Variants in TPD52L1 observed in about 807,000 individuals in gnomAD.
The protein encoded by TPD52L1 is tumor protein D53.
Under a neutral mutation model 28.7 loss-of-function variants are expected in TPD52L1, and 18 were observed. That is an observed-to-expected ratio of 0.63 (90% CI 0.43 to 0.93). The LOEUF (loss-of-function observed/expected upper bound fraction) is 0.93. TPD52L1 is among the 40% of genes least tolerant of loss of function. The probability of loss-of-function intolerance (pLI) is 0.00; values close to 1 mark genes in which losing one functional copy is unlikely to be tolerated. For synonymous variants in TPD52L1, 75 were observed against 88.8 expected (o/e 0.84, Z 0.88); for missense variants, 203 against 254.8 (o/e 0.80, Z 1.39).
chr6:125,174,019 G>C (rs996566278), intron 1 of TPD52L1, among the ~76,000 whole-genome samples: 1 of 152,160 alleles, frequency 6.6e-6, no homozygotes, highest in Non-Finnish European at 1.5e-5. Context: ...CCTTATTAGC[G>C]ATGTGACCTT....
chr6:125,259,639 T>C (rs553767952), intron 6 of TPD52L1, among the ~76,000 whole-genome samples: 2 of 152,320 alleles, frequency 1.3e-5, no homozygotes, highest in East Asian at 1.9e-4. Flanking sequence ...TTTGCATCCA[T>C]GTCAAGCAGA....
At chr6:125,254,178 G>T (rs2115052126) in intron 5 of TPD52L1, among the ~76,000 whole-genome samples, 1 of 152,300 alleles carries the variant, frequency 6.6e-6, no homozygotes, top group Middle Eastern at 3.4e-3. Context: ...TAAATGCAAG[G>T]CTAAAGTTCT....
At chr6:125,229,736 G>T (rs1044727427) in intron 3 of TPD52L1, among the ~76,000 whole-genome samples, 1 of 152,130 alleles carries the variant, frequency 6.6e-6, no homozygotes, top group Non-Finnish European at 1.5e-5. Flanking sequence ...TTCATCTTTT[G>T]TTTTGCACTT....
At chr6:125,165,610 A>G (rs1230008328) in intron 1 of TPD52L1, among the ~76,000 whole-genome samples, 1 of 152,156 alleles carries the variant, frequency 6.6e-6, no homozygotes, top group Non-Finnish European at 1.5e-5. Flanking sequence ...CTCATCTCCA[A>G]ACTTACCTAT....
intron 6 of TPD52L1, chr6:125,262,095 C>G (rs1238321728): frequency 6.6e-6 from 1 of 152,224 alleles, no homozygotes; most frequent in Non-Finnish European, 1.5e-5. Flanking sequence ...GTAGAAGCAT[C>G]AGATCTTGTG....
chr6:125,206,789 T>A (rs1170766419), intron 1 of TPD52L1, among the ~76,000 whole-genome samples: 1 of 152,158 alleles, frequency 6.6e-6, no homozygotes, highest in Admixed American at 6.5e-5. Flanking sequence ...TTCAGTGTTG[T>A]GTAGATTGGG....
intron 1 of TPD52L1, among the ~76,000 whole-genome samples, chr6:125,175,541 T>G (rs1791772500): frequency 6.6e-6 from 1 of 152,080 alleles, no homozygotes; most frequent in South Asian, 2.1e-4. Context: ...TAAGTTACCC[T>G]TCTTAAGAAA....
chr6:125,159,831 A>G (rs1790393861), intron 1 of TPD52L1, among the ~76,000 whole-genome samples: 1 of 152,178 alleles, frequency 6.6e-6, no homozygotes, highest in South Asian at 2.1e-4. Context: ...TTGGGTGACC[A>G]CGTATGATAT....
At chr6:125,211,239 T>C (rs1794470735) in intron 1 of TPD52L1, among the ~76,000 whole-genome samples, 1 of 150,148 alleles carries the variant, frequency 6.7e-6, no homozygotes, top group Non-Finnish European at 1.5e-5. Flanking sequence ...TACTGCGATT[T>C]CATTTTTAGA....
intron 1 of TPD52L1, chr6:125,214,574 C>T: frequency 2.2e-6 from 1 of 449,438 alleles, no homozygotes; most frequent in Non-Finnish European, 2.9e-6. Context: ...AACATTGCCT[C>T]AAAAAAAACT....
Position 125,172,080 on chromosome 6 carries a change from CTCTTTCTTTCTTTCTTTCCCTTTCTT to C in TPD52L1, c.19+18129_19+18154del, listed in dbSNP as rs1791348272. Among the ~76,000 whole-genome samples the C allele has an allele frequency of 3.2e-5, 3 of 92,366 alleles. No homozygotes were observed. The East Asian group carries it at 8.5e-4, about 26-fold the overall frequency. 60.6% of individuals were successfully genotyped at this position (92,366 alleles called of 152,430 possible). On this transcript the variant is annotated intron_variant, in intron 1 of 6. Coordinates refer to ENST00000534000, the MANE Select transcript of TPD52L1 (RefSeq NM_003287.4). Reference sequence around the variant, plus strand: ...CTTTCTCTTCTTTCTTTCTTTCTTTCTCTTTCTTTCTTTCTTTCCCTTTCTTTCTTTCTTTCTTTCTTTCTTTCTTT... The same window carrying C: ...CTTTCTCTTCTTTCTTTCTTTCTTTCTCTTTCTTTCTTTCTTTCTTTCTTT...
At position 125,206,558 on chromosome 6, in the gene TPD52L1, C is replaced by A. The variant is rs576877934; in HGVS notation, c.20-13520C>A. Among the ~76,000 whole-genome samples, 9 of 152,182 alleles carry A rather than the reference C, an allele frequency of 5.9e-5. No individual in the cohort carries two copies. The South Asian group carries it at 1.7e-3, about 28-fold the overall frequency. ...CACTAAAAGCTAGGACTGAATAGAA[C>A]ATGACTGAGGAATGCTGTGTGTGAC... On this transcript the variant is annotated intron_variant, in intron 1 of 6. Transcript: ENST00000534000.
chr6:125,238,195 A>G (rs543112535), intron 3 of TPD52L1, among the ~76,000 whole-genome samples: 2 of 152,354 alleles, frequency 1.3e-5, no homozygotes, highest in East Asian at 3.9e-4. Flanking sequence ...ACTATTTAGT[A>G]GCAGGCTTCT....
At chr6:125,231,409 G>A (rs755556633) in intron 3 of TPD52L1, among the ~76,000 whole-genome samples, 40 of 152,148 alleles carry the variant, frequency 2.6e-4, no homozygotes, top group Non-Finnish European at 5.1e-4. Flanking sequence ...TGGAAATAGA[G>A]CTGGCAAGTT....
chr6:125,214,258 A>G (rs570110), intron 1 of TPD52L1, among the ~76,000 whole-genome samples: 91,793 of 152,070 alleles, frequency 0.6, 30,248 homozygotes, highest in African/African-American at 0.88. Context: ...AGAGAAGGGT[A>G]GAGGAGGGTA....
At chr6:125,190,680 G>A (rs1403627659) in intron 1 of TPD52L1, among the ~76,000 whole-genome samples, 1 of 152,150 alleles carries the variant, frequency 6.6e-6, no homozygotes, top group Non-Finnish European at 1.5e-5. Context: ...GGTGATGGAA[G>A]ACAGTGACAC....
chr6:125,190,912 G>A (rs61188603), intron 1 of TPD52L1, among the ~76,000 whole-genome samples: 10,359 of 152,158 alleles, frequency 0.068, 873 homozygotes, highest in African/African-American at 0.2. Context: ...GTTCCTAACC[G>A]CCTGTATGTA....
chr6:125,238,327 A>G (rs943554952), intron 3 of TPD52L1, among the ~76,000 whole-genome samples: 1 of 152,198 alleles, frequency 6.6e-6, no homozygotes, highest in Non-Finnish European at 1.5e-5. Flanking sequence ...CTTATCACTA[A>G]TGACAATTTA....
chr6:125,154,304 G>A (rs1421010983), intron 1 of TPD52L1: 4 of 1,143,750 alleles, frequency 3.5e-6, no homozygotes, highest in South Asian at 3.9e-5. Context: ...TGCCGGGTCC[G>A]GAAAGCGTGT....
Sources: gnomAD v4.1 joint callset for allele counts (sites outside exome capture counted in the v4.1 genomes callset) on GRCh38, gnomAD v4.1.1 for gene constraint, MANE v1.5 for transcripts, NCBI Gene and HGNC (gene_info 2026-07-23, HGNC 2026-07-21) for gene names.